The following KDM2A variants were observed in gnomAD, a reference collection of about 807,000 sequenced individuals.
KDM2A encodes lysine demethylase 2A.
Under a neutral mutation model 137.3 loss-of-function variants are expected in KDM2A, and 3 were observed. The observed-to-expected ratio is 0.02, with a 90% CI of 0.01 to 0.06. The LOEUF is 0.06. KDM2A is among the 10% of genes least tolerant of loss of function. The pLI is 1.00. For missense variants in KDM2A, 738 were observed against 1,510.6 expected, an observed-to-expected ratio of 0.49 and a Z score of 8.48; for synonymous variants, 512 against 541.5, an observed-to-expected ratio of 0.95 and a Z score of 0.76.
At chr11:67,181,913 C>T (rs977249682) in intron 5 of KDM2A, 21 bp downstream of exon 5, 1 of 1,611,152 alleles carries the variant, frequency 6.2e-7, no homozygotes, top group Non-Finnish European at 8.5e-7. Flanking sequence ...AGCTTTTGGC[C>T]TCTGTCTTTA....
chr11:67,182,530 CTTTT>C (rs11297347), intron 5 of KDM2A, among the ~76,000 whole-genome samples: 9 of 88,226 alleles, frequency 1.0e-4, no homozygotes, highest in Middle Eastern at 5.6e-3. Flanking sequence ...TTGAATAAGT[CTTTT>C]TTTTTTTTTT....
intron 2 of KDM2A, among the ~76,000 whole-genome samples, chr11:67,172,272 T>C (rs1269955767): frequency 6.6e-6 from 1 of 152,218 alleles, no homozygotes; most frequent in African/African-American, 2.4e-5. Flanking sequence ...TTTGCTGGTA[T>C]TTCCATATGA....
In KDM2A at chr11:67,247,075, T is replaced by A. The variant is rs867191361; in HGVS notation, c.1965+959T>A. On this transcript the variant is annotated intron_variant, in intron 15 of 20. Transcript: ENST00000529006. ...TATATATATATATATATATATATTT[T>A]TTTTTTTTTTTTTTTTTTTTTTTTT... 2.0e-3 allele frequency among the ~76,000 whole-genome samples: 124 copies of A among 62,618 alleles called. 1 individual carries two copies. Among genetic ancestry groups the A allele is most frequent in the African/African-American group, 5.8e-3 (69 of 11,868 alleles). 41.1% of individuals were successfully genotyped at this position (62,618 alleles called of 152,430 possible). A position where few individuals can be genotyped will look rare whatever the true frequency, so the allele number is the denominator to read the frequency against.
intron 2 of KDM2A, among the ~76,000 whole-genome samples, chr11:67,136,295 G>A (rs150239391): frequency 6.6e-6 from 1 of 152,218 alleles, no homozygotes; most frequent in East Asian, 1.9e-4. Context: ...TCCAGTTAAG[G>A]GACAGAGCCA....
intron 2 of KDM2A, 65 bp from the exon 3 acceptor site, chr11:67,180,014 A>G (rs1857053503): frequency 1.6e-5 from 25 of 1,520,520 alleles, no homozygotes; most frequent in Admixed American, 4.0e-5. Context: ...AGGGAAATCT[A>G]TGACCACTTG....
chr11:67,245,891 A>G lies in KDM2A; in HGVS notation c.1834-94A>G, dbSNP rs1827131541. On this transcript the variant is annotated intron_variant, in intron 14 of 20. Coordinates refer to ENST00000529006, the MANE Select transcript of KDM2A (RefSeq NM_012308.3). The surrounding 1 kb of genome is among the most constrained non-coding windows in gnomAD (Gnocchi z 4.1). ...GCTTCCAGGTGTTTAGTAGAGAATTATAGGACCCAAATCTCCCATCTTCAG... is the reference window on the plus strand; with the variant it reads ...GCTTCCAGGTGTTTAGTAGAGAATTGTAGGACCCAAATCTCCCATCTTCAG... The G allele has an allele frequency of 6.9e-7, 1 of 1,452,580 alleles. No individual in the cohort carries two copies. Among genetic ancestry groups the G allele is most frequent in the Admixed American group, 1.9e-5 (1 of 52,784 alleles). The allele number at this position is 1,452,580 out of a possible 1,614,324, so 90.0% of individuals were successfully genotyped here.
chr11:67,131,379 C>G (rs914910447), intron 2 of KDM2A, among the ~76,000 whole-genome samples: 28 of 151,428 alleles, frequency 1.8e-4, no homozygotes, highest in Middle Eastern at 3.4e-3. Flanking sequence ...TGAGTACTTT[C>G]TCTCTTTTGA....
chr11:67,174,394 T>C (rs1856937560), intron 2 of KDM2A, among the ~76,000 whole-genome samples: 1 of 152,244 alleles, frequency 6.6e-6, no homozygotes, highest in African/African-American at 2.4e-5. Context: ...TCTTACCTGC[T>C]TTTTTACTTT....
chr11:67,149,739 T>TGAC (rs1856341445), intron 2 of KDM2A, among the ~76,000 whole-genome samples: 1 of 150,852 alleles, frequency 6.6e-6, no homozygotes, highest in Non-Finnish European at 1.5e-5. Context: ...TTTTTTTTTT[T>TGAC]GACAGTGTTT....
intron 5 of KDM2A, among the ~76,000 whole-genome samples, chr11:67,186,376 C>G (rs1177159562): frequency 6.6e-6 from 1 of 152,146 alleles, no homozygotes; most frequent in Non-Finnish European, 1.5e-5. Flanking sequence ...GAAAACAAAA[C>G]AAAACTGTCA....
chr11:67,135,130 G>A (rs979442516), intron 2 of KDM2A, among the ~76,000 whole-genome samples: 2 of 151,454 alleles, frequency 1.3e-5, no homozygotes, highest in South Asian at 2.1e-4. Context: ...GTGCAATGGC[G>A]CGATCTCGTC....
intron 5 of KDM2A, among the ~76,000 whole-genome samples, chr11:67,187,446 G>A (rs1354092511): frequency 2.0e-5 from 3 of 152,132 alleles, no homozygotes; most frequent in Admixed American, 2.0e-4. Flanking sequence ...GATTGAAAGT[G>A]AAAGGATGGA....
chr11:67,128,558 T>G (rs573691071), intron 2 of KDM2A, among the ~76,000 whole-genome samples: 1 of 152,298 alleles, frequency 6.6e-6, no homozygotes, highest in South Asian at 2.1e-4. Flanking sequence ...TAGGAAAAAC[T>G]TGACCATTTT....
chr11:67,200,379 C>G (rs1857588329), intron 5 of KDM2A, among the ~76,000 whole-genome samples: 1 of 152,204 alleles, frequency 6.6e-6, no homozygotes, highest in Admixed American at 6.5e-5. Flanking sequence ...CCACGTCCGG[C>G]TAATTTTTTT....
chr11:67,198,476 A>G (rs1358321759), intron 5 of KDM2A, among the ~76,000 whole-genome samples: 4 of 152,058 alleles, frequency 2.6e-5, no homozygotes, highest in Non-Finnish European at 4.4e-5. Flanking sequence ...TAATCCCAGC[A>G]CTTTGGGAGG....
intron 2 of KDM2A, among the ~76,000 whole-genome samples, chr11:67,159,908 G>C (rs1415998859): frequency 1.3e-5 from 2 of 152,164 alleles, no homozygotes; most frequent in African/African-American, 4.8e-5. Context: ...TGTAGTATGA[G>C]ATGATGAAAA....
intron 2 of KDM2A, among the ~76,000 whole-genome samples, chr11:67,136,751 A>T (rs1855977258): frequency 6.6e-6 from 1 of 152,172 alleles, no homozygotes; most frequent in Non-Finnish European, 1.5e-5. Flanking sequence ...CTAAGGTAGG[A>T]ATGAGAAAAT....
At chr11:67,240,036 T>C (rs1858980771) in intron 12 of KDM2A, 1 of 1,305,050 alleles carries the variant, frequency 7.7e-7, no homozygotes, top group East Asian at 2.9e-5. Context: ...CTCCCCCTCC[T>C]GCCATCTTCC....
At chr11:67,126,048 C>A (rs941182098) in intron 2 of KDM2A, among the ~76,000 whole-genome samples, 8 of 149,280 alleles carry the variant, frequency 5.4e-5, no homozygotes, top group Admixed American at 1.3e-4. Flanking sequence ...GAGATCGAGA[C>A]CAGCCTGACA....
Sources: gnomAD v4.1 joint callset for allele counts (sites outside exome capture counted in the v4.1 genomes callset) on GRCh38, gnomAD v4.1.1 for gene constraint, Gnocchi (gnomAD v3.1) non-coding constraint, MANE v1.5 for transcripts, NCBI Gene and HGNC (gene_info 2026-07-23, HGNC 2026-07-21) for gene names.